The following NTNG2 variants were observed in gnomAD, a reference collection of about 807,000 sequenced individuals.
NTNG2 encodes netrin G2, also known as netrin-G2.
Under a neutral mutation model 47.6 loss-of-function variants are expected in NTNG2, and 15 were observed. The ratio of observed to expected loss-of-function variants is 0.32; its 90% CI spans 0.21 to 0.49. The LOEUF is 0.49. Ranked by LOEUF, NTNG2 falls within the 20% of genes least tolerant of loss-of-function variation. NTNG2 has a pLI of 0.99. For synonymous variants in NTNG2, 307 were observed against 324.6 expected (o/e 0.95, Z 0.58); for missense variants, 578 against 764.6 (o/e 0.76, Z 2.88).
rs112505084 is a variant in NTNG2 at position 132,183,757 on chromosome 9, G to A, written c.214-14209G>A. Among the ~76,000 whole-genome samples, 242 of 152,306 alleles carry A rather than the reference G, an allele frequency of 1.6e-3. 2 individuals carry two copies. Among genetic ancestry groups the A allele is most frequent in the African/African-American group, 5.4e-3 (224 of 41,554 alleles). The stretch of plus-strand genomic sequence containing the variant: ...TAACAGGAACAGTGTCATCGTGTGG[G>A]GGCCCTTCCCTGGACCACCTGGACC... On this transcript the variant is annotated intron_variant, in intron 2 of 7. Transcript: ENST00000393229.
intron 3 of NTNG2, among the ~76,000 whole-genome samples, chr9:132,213,135 C>A (rs1388436442): frequency 1.3e-5 from 2 of 151,974 alleles, no homozygotes; most frequent in African/African-American, 4.8e-5. Context: ...CATAGTAAAA[C>A]CCTCGTCTCT....
In NTNG2 at chr9:132,174,207, G is replaced by A. The variant is rs376413278; in HGVS notation, c.213+7163G>A. The stretch of plus-strand genomic sequence containing the variant: ...GTCGAACCATGCTGCAGATTAGACG[G>A]ACAGATGGACGGACGGACAGACAGG... On this transcript the variant is annotated intron_variant, in intron 2 of 7. Coordinates refer to ENST00000393229, the MANE Select transcript of NTNG2 (RefSeq NM_032536.4). Among the ~76,000 whole-genome samples the A allele has an allele frequency of 2.5e-4, 36 of 143,920 alleles. No individual in the cohort carries two copies. The East Asian group carries it at 6.4e-3, about 25-fold the overall frequency. 94.4% of individuals were successfully genotyped at this position (143,920 alleles called of 152,430 possible). A position where few individuals can be genotyped will look rare whatever the true frequency, so the allele number is the denominator to read the frequency against.
At position 132,236,183 on chromosome 9, in the gene NTNG2, T is replaced by C. The variant is rs933174; in HGVS notation, c.1055-2921T>C. On this transcript the variant is annotated intron_variant, in intron 5 of 7. Coordinates refer to ENST00000393229, the MANE Select transcript of NTNG2 (RefSeq NM_032536.4). This position sits in a 1 kb window ranked among gnomAD's most constrained non-coding sequence, Gnocchi z 4.3. The stretch of plus-strand genomic sequence containing the variant: ...TGAGACCTCGGAGGGTGGACTGTGG[T>C]GGGTGAAGGGAGAAGGCAGCACATT... Among the ~76,000 whole-genome samples the C allele has an allele frequency of 0.54, 82,022 of 151,954 alleles. 24,156 individuals carry two copies. Among genetic ancestry groups the C allele is most frequent in the African/African-American group, 0.77 (32,132 of 41,508 alleles).
intron 2 of NTNG2, among the ~76,000 whole-genome samples, chr9:132,167,436 C>T (rs1024240386): frequency 1.3e-5 from 2 of 152,246 alleles, no homozygotes; most frequent in African/African-American, 4.8e-5. Context: ...TAAGCTCCCT[C>T]TGTTCATCCT....
chr9:132,187,777 G>A (rs1250087027), intron 2 of NTNG2, among the ~76,000 whole-genome samples: 1 of 152,220 alleles, frequency 6.6e-6, no homozygotes, highest in African/African-American at 2.4e-5. Context: ...AATTCCCCTA[G>A]CACCCCGGCT....
rs550118401 is a variant in NTNG2 at position 132,191,363 on chromosome 9, T to C, written c.214-6603T>C. Among the ~76,000 whole-genome samples, 8 of 152,112 alleles carry C rather than the reference T, an allele frequency of 5.3e-5. No homozygotes were observed. The South Asian group carries it at 6.2e-4, about 12-fold the overall frequency. On this transcript the variant is annotated intron_variant, in intron 2 of 7. Coordinates refer to ENST00000393229, the MANE Select transcript of NTNG2 (RefSeq NM_032536.4). ...GCTGTTTCAAAATAATCGCTCCCAT[T>C]TGGAGACATTTCCTAGGGATTCTAG...
chr9:132,198,715 C>G, intron 3 of NTNG2, 106 bp downstream of exon 3: 1 of 1,252,334 alleles, frequency 8.0e-7, no homozygotes, highest in East Asian at 2.5e-5. Flanking sequence ...GGAACATGAC[C>G]GGGTTCTTGG....
At chr9:132,241,119 C>T in intron 7 of NTNG2, 75 bp downstream of exon 7, 1 of 1,459,052 alleles carries the variant, frequency 6.9e-7, no homozygotes, top group Non-Finnish European at 9.0e-7. Flanking sequence ...TGGGCGGGGC[C>T]TAGTGGGACG....
intron 2 of NTNG2, among the ~76,000 whole-genome samples, chr9:132,178,833 G>A (rs1419541794): frequency 6.6e-6 from 1 of 150,848 alleles, no homozygotes; most frequent in African/African-American, 2.4e-5. Context: ...GTGCACACCT[G>A]TAGTCCCAGC....
At chr9:132,204,580 G>A (rs1041642038) in intron 3 of NTNG2, among the ~76,000 whole-genome samples, 7 of 152,178 alleles carry the variant, frequency 4.6e-5, no homozygotes, top group African/African-American at 7.2e-5. Context: ...ATTCTGTGAT[G>A]TTATTCTGCC....
rs59766488 is a variant in NTNG2, at chr9:132,239,009, C to T, written c.1055-95C>T. On this transcript the variant is annotated intron_variant, in intron 5 of 7. Transcript: ENST00000393229. The stretch of plus-strand genomic sequence containing the variant: ...TTTTCCAAAGATGCCTTCCTCCGTC[C>T]CTGCATGACCTGGGGTGAGTCCTTC... 8.7e-3 allele frequency: 11,117 copies of T among 1,283,516 alleles called. 576 individuals are homozygous for T. The African/African-American group carries it at 0.12, about 14-fold the overall frequency. The allele number at this position is 1,283,516 out of a possible 1,614,324, so 79.5% of individuals were successfully genotyped here. A position where few individuals can be genotyped will look rare whatever the true frequency, so the allele number is the denominator to read the frequency against.
Position 132,208,225 on chromosome 9 carries a change from C to T in NTNG2, c.857+9616C>T, listed in dbSNP as rs1000173729. Among the ~76,000 whole-genome samples, 25 of 151,620 alleles carry T rather than the reference C, an allele frequency of 1.6e-4. No individual in the cohort carries two copies. The highest frequency in any genetic ancestry group is 3.9e-4 in the Admixed American group (6 of 15,234). ...GAAACCTGAAGGGGGAACGGGGGCA[C>T]GGCATTTGTGGCAGGGGGACAGCAG... is the stretch of plus-strand genomic sequence containing the variant. On this transcript the variant is annotated intron_variant, in intron 3 of 7. Coordinates refer to ENST00000393229, the MANE Select transcript of NTNG2 (RefSeq NM_032536.4). This position sits in a 1 kb window ranked among gnomAD's most constrained non-coding sequence, Gnocchi z 4.0.
Position 132,226,638 on chromosome 9 carries a change from G to A in NTNG2, c.858-211G>A, listed in dbSNP as rs1355347969. 6.6e-6 allele frequency among the ~76,000 whole-genome samples: 1 copy of A among 152,258 alleles called. No individual in the cohort carries two copies. Among genetic ancestry groups the A allele is most frequent in the African/African-American group, 2.4e-5 (1 of 41,468 alleles). ...GAGGAGAGCCGCGCAGTGACTGCAG[G>A]TGTGGCCTTTGGAACACGGCGTTGA... is the stretch of plus-strand genomic sequence containing the variant. On this transcript the variant is annotated intron_variant, in intron 3 of 7. Coordinates refer to ENST00000393229, the MANE Select transcript of NTNG2 (RefSeq NM_032536.4). The surrounding 1 kb of genome is among the most constrained non-coding windows in gnomAD (Gnocchi z 4.8).
At chr9:132,230,990 T>G (rs1841174986) in intron 5 of NTNG2, among the ~76,000 whole-genome samples, 1 of 151,972 alleles carries the variant, frequency 6.6e-6, no homozygotes, top group Non-Finnish European at 1.5e-5. Context: ...GGGAGAGCAG[T>G]CTCTCCTGCC....
In NTNG2 at chr9:132,216,522, A is replaced by G. The variant is rs368653072; in HGVS notation, c.858-10327A>G. ...AAGAGCTAAAGCCGTAGGATTCTGC[A>G]GTGGGGCAGGGGTGGAGAGGGAACA... On this transcript the variant is annotated intron_variant, in intron 3 of 7. Transcript: ENST00000393229. Among the ~76,000 whole-genome samples, 5 of 150,600 alleles carry G rather than the reference A, an allele frequency of 3.3e-5. No homozygotes were observed. The East Asian group carries it at 9.8e-4, about 30-fold the overall frequency.
At chr9:132,229,293 C>T (rs1474832569) in intron 4 of NTNG2, among the ~76,000 whole-genome samples, 1 of 152,124 alleles carries the variant, frequency 6.6e-6, no homozygotes, top group Non-Finnish European at 1.5e-5. Flanking sequence ...CTACCGTGAC[C>T]CCTCCTCAGT....
Position 132,218,364 on chromosome 9 carries a change from G to T in NTNG2, c.858-8485G>T, listed in dbSNP as rs954930720. ...TGTCATTCAGGGGATTGCTGTGAAG[G>T]GCTAATGTTCTAATTCGGGTGGCAC... is the stretch of plus-strand genomic sequence containing the variant. On this transcript the variant is annotated intron_variant, in intron 3 of 7. Coordinates refer to ENST00000393229, the MANE Select transcript of NTNG2 (RefSeq NM_032536.4). The surrounding 1 kb of genome is among the most constrained non-coding windows in gnomAD (Gnocchi z 5.4). Among the ~76,000 whole-genome samples, 13 of 152,218 alleles carry T rather than the reference G, an allele frequency of 8.5e-5. No individual in the cohort carries two copies. Among genetic ancestry groups the T allele is most frequent in the African/African-American group, 2.9e-4 (12 of 41,460 alleles).
rs1166684595 is a variant in NTNG2, at chr9:132,163,646, AGCCCCCAGCGCCCTCCCTCCCGT to A, written c.-484+1416_-484+1438del. Among the ~76,000 whole-genome samples the A allele has an allele frequency of 6.6e-6, 1 of 151,580 alleles. No homozygotes were observed. Among genetic ancestry groups the A allele is most frequent in the East Asian group, 2.0e-4 (1 of 5,104 alleles). On this transcript the variant is annotated intron_variant, in intron 1 of 7. Transcript: ENST00000393229. This position sits in a 1 kb window ranked among gnomAD's most constrained non-coding sequence, Gnocchi z 7.2. ...GCTGAGTATCCCCCCTAGCCCCGGG[AGCCCCCAGCGCCCTCCCTCCCGT>A]GCCCCCAGGGGCCCCGCGCCCGCCG...
intron 3 of NTNG2, among the ~76,000 whole-genome samples, chr9:132,200,845 G>A (rs1838691714): frequency 6.6e-6 from 1 of 152,232 alleles, no homozygotes; most frequent in South Asian, 2.1e-4. Context: ...CCCATATATA[G>A]GCACTGTTGT....
Sources: gnomAD v4.1 joint callset for allele counts (sites outside exome capture counted in the v4.1 genomes callset) on GRCh38, gnomAD v4.1.1 for gene constraint, Gnocchi (gnomAD v3.1) non-coding constraint, MANE v1.5 for transcripts, NCBI Gene and HGNC (gene_info 2026-07-23, HGNC 2026-07-21) for gene names.